The following IL7 variants were observed in gnomAD, a reference collection of about 807,000 sequenced individuals.
IL7 encodes interleukin-7.
A neutral mutation model predicts 21.6 loss-of-function variants in IL7; 3 were observed. That is an observed-to-expected ratio of 0.14 (90% CI 0.06 to 0.36). The LOEUF (loss-of-function observed/expected upper bound fraction) is 0.36. Ranked by LOEUF, IL7 falls within the 10% of genes least tolerant of loss-of-function variation. The probability of loss-of-function intolerance (pLI) is 1.00; values close to 1 mark genes in which losing one functional copy is unlikely to be tolerated. For missense variants in IL7, 175 were observed against 200.2 expected (o/e 0.87, Z 0.76); for synonymous variants, 62 against 68.1 (o/e 0.91, Z 0.44).
At chr8:78,746,914 G>A in intron 2 of IL7, 2 of 387,112 alleles carry the variant, frequency 5.2e-6, no homozygotes, top group South Asian at 2.0e-5. Context: ...TATTCTTTGT[G>A]ATAGGACAGT....
chr8:78,750,786 T>A (rs914070388), intron 2 of IL7, among the ~76,000 whole-genome samples: 4 of 152,158 alleles, frequency 2.6e-5, no homozygotes, highest in Non-Finnish European at 5.9e-5. Context: ...ATCGTGCCAC[T>A]GCACTCCAGC....
chr8:78,714,422 A>G (rs2130612363), downstream of IL7, among the ~76,000 whole-genome samples: 1 of 152,316 alleles, frequency 6.6e-6, no homozygotes, highest in East Asian at 1.9e-4. Context: ...AGCATCAGCT[A>G]TCTAAATGTT....
chr8:78,713,190 C>T (rs1811001547), downstream of IL7, among the ~76,000 whole-genome samples: 1 of 151,992 alleles, frequency 6.6e-6, no homozygotes, highest in Non-Finnish European at 1.5e-5. Context: ...AAGAGTAATG[C>T]TTTGCAGATT....
At chr8:78,762,057 C>G in intron 2 of IL7, 1 of 1,603,640 alleles carries the variant, frequency 6.2e-7, no homozygotes, top group Non-Finnish European at 8.5e-7. Context: ...TGTTCCTGCT[C>G]AGAAGTTTCA....
chr8:78,796,663 T>C (rs1036012943), intron 2 of IL7, among the ~76,000 whole-genome samples: 6 of 151,968 alleles, frequency 3.9e-5, no homozygotes, highest in Non-Finnish European at 1.5e-5. Flanking sequence ...ATGGTCAACA[T>C]TGTATGTCAT....
chr8:78,768,944 T>C (rs978638887), intron 2 of IL7, among the ~76,000 whole-genome samples: 2 of 152,152 alleles, frequency 1.3e-5, no homozygotes, highest in African/African-American at 2.4e-5. Flanking sequence ...CACATGATTA[T>C]CTCAATAGAT....
At chr8:78,720,157 A>C (rs1343841837) in intron 5 of IL7, among the ~76,000 whole-genome samples, 1 of 151,822 alleles carries the variant, frequency 6.6e-6, no homozygotes, top group Non-Finnish European at 1.5e-5. Flanking sequence ...ATTTAGTGAA[A>C]TTTCAGATTA....
At chr8:78,794,827 T>C (rs1250313021) in intron 2 of IL7, among the ~76,000 whole-genome samples, 1 of 152,104 alleles carries the variant, frequency 6.6e-6, no homozygotes, top group Non-Finnish European at 1.5e-5. Context: ...ACCACCAATC[T>C]TTAACACTCA....
Position 78,704,978 on chromosome 8 carries a change from A to G in IL7, n.214+16370T>C, listed in dbSNP as rs147093853. ...GGTTATGTTCTTCTCTATACTGGCT[A>G]TTTCATCTGTTTGCTCCTGCAGTGT... On this transcript the variant is annotated intron_variant and non_coding_transcript_variant, in intron 3 of 4. Coordinates refer to the IL7 transcript ENST00000523959. Among the ~76,000 whole-genome samples the G allele has an allele frequency of 1.2e-3, 190 of 152,178 alleles. 1 individual carries two copies. Among genetic ancestry groups the G allele is most frequent in the African/African-American group, 4.3e-3 (179 of 41,532 alleles).
intron 2 of IL7, among the ~76,000 whole-genome samples, chr8:78,770,682 G>GACACGCACACACACACACATAC (rs1392100146): frequency 7.3e-5 from 11 of 151,682 alleles, no homozygotes; most frequent in Non-Finnish European, 1.6e-4. Context: ...AATATGCAAA[G>GACACGCACACACACACACATAC]ACACGCACAC....
At chr8:78,718,953 C>T (rs1316085187) in intron 6 of IL7, 1 of 151,418 alleles carries the variant, frequency 6.6e-6, no homozygotes, top group Non-Finnish European at 1.5e-5. Context: ...AATTTATTAG[C>T]TTAGTTTAGT....
At chr8:78,793,366 G>A (rs540094307) in intron 2 of IL7, among the ~76,000 whole-genome samples, 1 of 152,220 alleles carries the variant, frequency 6.6e-6, no homozygotes, top group Non-Finnish European at 1.5e-5. Flanking sequence ...GATACTGTGG[G>A]TTTGGTTCCA....
intron 2 of IL7, among the ~76,000 whole-genome samples, chr8:78,743,749 T>G (rs1406751076): frequency 1.3e-5 from 2 of 152,324 alleles, no homozygotes; most frequent in East Asian, 1.9e-4. Flanking sequence ...TTCTTTCTCA[T>G]TTCTGTGAGC....
At chr8:78,723,388 A>T (rs1359914350) in intron 3 of IL7, among the ~76,000 whole-genome samples, 1 of 151,990 alleles carries the variant, frequency 6.6e-6, no homozygotes, top group East Asian at 1.9e-4. Flanking sequence ...TGGATCTATC[A>T]CTGGCAACCT....
chr8:78,691,165 G>A (rs1485408415), intron 3 of IL7, among the ~76,000 whole-genome samples: 2 of 152,132 alleles, frequency 1.3e-5, no homozygotes, highest in African/African-American at 4.8e-5. Context: ...TAGGTGAAAA[G>A]CATTGTTTTT....
chr8:78,799,891 T>TA (rs535290087), intron 1 of IL7, among the ~76,000 whole-genome samples: 444 of 152,006 alleles, frequency 2.9e-3, no homozygotes, highest in African/African-American at 8.1e-3. Flanking sequence ...ATTGCTAATT[T>TA]AAAAAAAATA....
chr8:78,741,286 C>T (rs867709981), intron 2 of IL7, among the ~76,000 whole-genome samples: 1 of 152,200 alleles, frequency 6.6e-6, no homozygotes, highest in South Asian at 2.1e-4. Flanking sequence ...TTTTCAATAA[C>T]TATCTTCACA....
chr8:78,732,816 AAAGT>A lies in IL7; in HGVS notation c.*893_*896del, dbSNP rs1361573050. ...TTTTATCAAAGGAGAAATGTATTCCAAAGTAAGCAATTTGTAATGCTGTATGAAA... is the reference window on the plus strand; with the variant it reads ...TTTTATCAAAGGAGAAATGTATTCCAAAGCAATTTGTAATGCTGTATGAAA... On this transcript the variant is annotated 3_prime_UTR_variant, in exon 6 of 6. Transcript: ENST00000263851. The A allele has an allele frequency of 3.9e-5, 6 of 152,300 alleles. No homozygotes were observed. Among genetic ancestry groups the A allele is most frequent in the African/African-American group, 1.4e-4 (6 of 41,578 alleles). 9.4% of individuals were successfully genotyped at this position (152,300 alleles called of 1,614,324 possible). A position where few individuals can be genotyped will look rare whatever the true frequency, so the allele number is the denominator to read the frequency against.
chr8:78,759,812 A>G (rs1168631885), intron 2 of IL7, among the ~76,000 whole-genome samples: 2 of 152,170 alleles, frequency 1.3e-5, no homozygotes, highest in Non-Finnish European at 2.9e-5. Flanking sequence ...ATATTTTTTC[A>G]AAGAATTCAT....
Sources: gnomAD v4.1 joint callset for allele counts (sites outside exome capture counted in the v4.1 genomes callset) on GRCh38, gnomAD v4.1.1 for gene constraint, MANE v1.5 for transcripts, NCBI Gene and HGNC (gene_info 2026-07-23, HGNC 2026-07-21) for gene names.